Variants in SESN1 observed in about 807,000 individuals in gnomAD.
SESN1 encodes the protein sestrin 1, also known as sestrin-1.
Under a neutral mutation model 59.3 loss-of-function variants are expected in SESN1, and 30 were observed. That is an observed-to-expected ratio of 0.51 (90% CI 0.38 to 0.69). The LOEUF (loss-of-function observed/expected upper bound fraction) is 0.69. SESN1 is among the 30% of genes least tolerant of loss of function. The pLI is 0.00. For synonymous variants in SESN1, 197 were observed against 219.9 expected, an observed-to-expected ratio of 0.90 and a Z score of 0.92; for missense variants, 566 against 673.0, an observed-to-expected ratio of 0.84 and a Z score of 1.76.
chr6:109,051,418 T>A (rs557914923), intron 1 of SESN1, among the ~76,000 whole-genome samples: 1 of 152,348 alleles, frequency 6.6e-6, no homozygotes, highest in South Asian at 2.1e-4. Flanking sequence ...TGCAACATTG[T>A]ATATTAGTGA....
chr6:109,047,912 T>C lies in SESN1; in HGVS notation c.280-45569A>G, dbSNP rs1335486788. Among the ~76,000 whole-genome samples, 7 of 145,718 alleles carry C rather than the reference T, an allele frequency of 4.8e-5. 1 individual carries two copies. Among genetic ancestry groups the C allele is most frequent in the Admixed American group, 4.1e-4 (6 of 14,716 alleles). ...TTGAAGGCAGCATGCTGGTTAAGAG[T>C]CATCACCACTCCCTAATCTCAAGTA... On this transcript the variant is annotated intron_variant, in intron 1 of 9. Coordinates refer to ENST00000436639, the MANE Select transcript of SESN1 (RefSeq NM_014454.3).
intron 1 of SESN1, among the ~76,000 whole-genome samples, chr6:109,057,102 C>T (rs1780644464): frequency 6.6e-6 from 1 of 152,162 alleles, no homozygotes; most frequent in Non-Finnish European, 1.5e-5. Context: ...AGATCTCCAG[C>T]TCAAACAAGC....
Position 108,998,495 on chromosome 6 carries a change from A to G in SESN1, c.972+18T>C, listed in dbSNP as rs771677760. ...TTGTGATTAGTTTTATGACAATCTC[A>G]TGACAAATAATACTTACAGAAACAT... On this transcript the variant is annotated intron_variant, in intron 5 of 9. Coordinates refer to ENST00000436639, the MANE Select transcript of SESN1 (RefSeq NM_014454.3). 2 of 1,612,784 alleles carry G rather than the reference A, an allele frequency of 1.2e-6. No individual in the cohort carries two copies. The highest frequency in any genetic ancestry group is 4.5e-5 in the East Asian group (2 of 44,866).
intron 1 of SESN1, among the ~76,000 whole-genome samples, chr6:109,073,838 T>A (rs1457156206): frequency 6.6e-6 from 1 of 152,214 alleles, no homozygotes; most frequent in Non-Finnish European, 1.5e-5. Context: ...GTGTTTTGAC[T>A]TATTTTCTTT....
At chr6:109,073,488 AC>A (rs1396898178) in intron 1 of SESN1, among the ~76,000 whole-genome samples, 1 of 152,100 alleles carries the variant, frequency 6.6e-6, no homozygotes, top group African/African-American at 2.4e-5. Flanking sequence ...GACATTGCAA[AC>A]CCGTCTTCTC....
chr6:109,007,321 T>A (rs1437325030), intron 1 of SESN1, among the ~76,000 whole-genome samples: 1 of 152,198 alleles, frequency 6.6e-6, no homozygotes, highest in Non-Finnish European at 1.5e-5. Flanking sequence ...CATTTATGCA[T>A]CTGTATCAAT....
intron 1 of SESN1, among the ~76,000 whole-genome samples, chr6:109,020,673 T>C (rs1779997110): frequency 6.6e-6 from 1 of 152,196 alleles, no homozygotes; most frequent in Non-Finnish European, 1.5e-5. Context: ...GAAGGGATTT[T>C]CAAGAGTTAC....
intron 1 of SESN1, among the ~76,000 whole-genome samples, chr6:109,039,844 A>T (rs1278321653): frequency 6.6e-6 from 1 of 152,210 alleles, no homozygotes; most frequent in Non-Finnish European, 1.5e-5. Context: ...TAAGTTAGTG[A>T]AGTGAATTAT....
intron 9 of SESN1, among the ~76,000 whole-genome samples, chr6:108,987,987 T>C (rs1317321016): frequency 1.3e-5 from 2 of 152,114 alleles, no homozygotes; most frequent in African/African-American, 2.4e-5. Flanking sequence ...GTATTTTTAG[T>C]ATCACCATGT....
At chr6:109,009,933 G>A (rs574067246) in intron 1 of SESN1, among the ~76,000 whole-genome samples, 3 of 152,174 alleles carry the variant, frequency 2.0e-5, no homozygotes, top group Non-Finnish European at 4.4e-5. Flanking sequence ...GACAGCACCA[G>A]GAGTAATGAA....
intron 1 of SESN1, among the ~76,000 whole-genome samples, chr6:109,045,621 C>G (rs1780416807): frequency 6.6e-6 from 1 of 152,198 alleles, no homozygotes; most frequent in African/African-American, 2.4e-5. Flanking sequence ...CTGGCCTCTC[C>G]TTAGTCAGGC....
At chr6:109,072,341 T>C (rs1023484935) in intron 1 of SESN1, among the ~76,000 whole-genome samples, 3 of 152,186 alleles carry the variant, frequency 2.0e-5, no homozygotes, top group African/African-American at 7.2e-5. Context: ...GTATAGTGGG[T>C]GATTTCCCTT....
At chr6:109,088,355 T>A (rs896933841) in intron 1 of SESN1, 7 of 151,940 alleles carry the variant, frequency 4.6e-5, no homozygotes, top group African/African-American at 1.7e-4. Flanking sequence ...ATAATAAACT[T>A]ATTGTTACAT....
intron 1 of SESN1, among the ~76,000 whole-genome samples, chr6:109,042,231 C>T (rs1780354342): frequency 6.6e-6 from 1 of 151,870 alleles, no homozygotes; most frequent in African/African-American, 2.4e-5. Context: ...ATTTATAACA[C>T]TACATATATA....
At chr6:109,038,911 A>AGG (rs1780288265) in intron 1 of SESN1, among the ~76,000 whole-genome samples, 3 of 149,790 alleles carry the variant, frequency 2.0e-5, no homozygotes, top group African/African-American at 7.5e-5. Context: ...AGAAAAAAGG[A>AGG]AGGAGGAGGA....
Position 109,027,476 on chromosome 6 carries a change from CAAAAAAAAAAAAAA to C in SESN1, c.280-25147_280-25134del, listed in dbSNP as rs57225616. On this transcript the variant is annotated intron_variant, in intron 1 of 9. Transcript: ENST00000436639. Reference sequence around the variant, plus strand: ...TGGGCGACAGAGGGAGACTCTGTCTCAAAAAAAAAAAAAAAAAAAAAAAAAAGAGACATCTTCAC... The same window carrying C: ...TGGGCGACAGAGGGAGACTCTGTCTCAAAAAAAAAAAAGAGACATCTTCAC... Among the ~76,000 whole-genome samples the C allele has an allele frequency of 1.1e-4, 3 of 27,326 alleles. No individual in the cohort carries two copies. The Admixed American group carries it at 1.1e-3, about 10-fold the overall frequency. 17.9% of individuals were successfully genotyped at this position (27,326 alleles called of 152,430 possible). A position where few individuals can be genotyped will look rare whatever the true frequency, so the allele number is the denominator to read the frequency against.
chr6:109,049,477 G>C (rs954254030), intron 1 of SESN1, among the ~76,000 whole-genome samples: 7 of 151,922 alleles, frequency 4.6e-5, no homozygotes, highest in African/African-American at 1.7e-4. Context: ...TAGCAATGTA[G>C]GATAACTATA....
chr6:109,085,393 C>T (rs1781195846), intron 1 of SESN1, among the ~76,000 whole-genome samples: 1 of 152,126 alleles, frequency 6.6e-6, no homozygotes, highest in Admixed American at 6.5e-5. Flanking sequence ...GTGGCGGGCA[C>T]CTGTAGTCCC....
At position 108,986,507 on chromosome 6, in the gene SESN1, G is replaced by A. The variant is rs16822; in HGVS notation, c.*1037C>T. The A allele has an allele frequency of 0.1, 15,340 of 152,630 alleles. 906 individuals are homozygous for A. Among genetic ancestry groups the A allele is most frequent in the Middle Eastern group, 0.19 (57 of 294 alleles). 9.5% of individuals were successfully genotyped at this position (152,630 alleles called of 1,614,324 possible). ...CTGACAGACTTCAAAAGCAATTCAC[G>A]CTTCCAGAATACAAAGTACTTAATA... is the stretch of plus-strand genomic sequence containing the variant. On this transcript the variant is annotated 3_prime_UTR_variant, in exon 10 of 10. Transcript: ENST00000436639.
Sources: gnomAD v4.1 joint callset for allele counts (sites outside exome capture counted in the v4.1 genomes callset) on GRCh38, gnomAD v4.1.1 for gene constraint, MANE v1.5 for transcripts, NCBI Gene and HGNC (gene_info 2026-07-23, HGNC 2026-07-21) for gene names.